The following ANKS6 variants were observed in gnomAD, a reference collection of about 807,000 sequenced individuals.
The protein encoded by ANKS6 is ankyrin repeat and sterile alpha motif domain containing 6.
ANKS6 carries 47 observed loss-of-function variants against 77.9 expected under a neutral mutation model. The observed-to-expected ratio is 0.60, with a 90% CI of 0.48 to 0.77. The LOEUF (loss-of-function observed/expected upper bound fraction) is 0.77, where lower values mean the gene tolerates loss of function less well. ANKS6 is among the 30% of genes least tolerant of loss of function. The pLI is 0.00. For synonymous variants in ANKS6, 488 were observed against 501.7 expected (o/e 0.97, Z 0.37); for missense variants, 1,150 against 1,159.1 (o/e 0.99, Z 0.11).
chr9:98,733,998 CA>C lies in ANKS6; in HGVS notation c.*2520del. 1.0e-6 allele frequency: 1 copy of C among 985,246 alleles called. No homozygotes were observed. The highest frequency in any genetic ancestry group is 1.2e-6 in the Non-Finnish European group (1 of 829,920). 61.0% of individuals were successfully genotyped at this position (985,246 alleles called of 1,614,324 possible). A position where few individuals can be genotyped will look rare whatever the true frequency, so the allele number is the denominator to read the frequency against. On this transcript the variant is annotated 3_prime_UTR_variant, in exon 15 of 15. Transcript: ENST00000353234. ...GGAAGGGAAGGGGGTGATCAAGGAC[CA>C]AAAATCAGAAAAACAAGCACCCAAC...
At chr9:98,748,782 T>G (rs1388067200) in intron 13 of ANKS6, among the ~76,000 whole-genome samples, 4 of 152,202 alleles carry the variant, frequency 2.6e-5, no homozygotes. Context: ...TTTTGGTATT[T>G]TTCAAATACA....
rs1379704158 is a variant in ANKS6, at chr9:98,732,643, C to T, written c.*3876G>A. The T allele has an allele frequency of 6.5e-7, 1 of 1,541,612 alleles. No individual in the cohort carries two copies. Among genetic ancestry groups the T allele is most frequent in the Non-Finnish European group, 8.7e-7 (1 of 1,143,820 alleles). On this transcript the variant is annotated 3_prime_UTR_variant, in exon 15 of 15. Transcript: ENST00000353234. The stretch of plus-strand genomic sequence containing the variant: ...CCATCTTTGAGGTTTCCCACATCTG[C>T]ACCGCTCCACAGTGTGAAAAGGGCT...
chr9:98,773,671 T>G (rs1363347200), intron 9 of ANKS6, among the ~76,000 whole-genome samples: 1 of 152,176 alleles, frequency 6.6e-6, no homozygotes, highest in African/African-American at 2.4e-5. Context: ...GGGACAGATG[T>G]TCCCTGCTAC....
Position 98,774,974 on chromosome 9 carries a change from G to A in ANKS6, c.1618-894C>T, listed in dbSNP as rs1005393601. On this transcript the variant is annotated intron_variant, in intron 8 of 14. Transcript: ENST00000353234. Reference sequence around the variant, plus strand: ...CCGGGCCACCCCACCCATTATGGGGGGGCAGGCACACTGGCGCCCTCTACA... The same window carrying A: ...CCGGGCCACCCCACCCATTATGGGGAGGCAGGCACACTGGCGCCCTCTACA... Among the ~76,000 whole-genome samples, 9 of 152,338 alleles carry A rather than the reference G, an allele frequency of 5.9e-5. No individual in the cohort carries two copies. The East Asian group carries it at 1.2e-3, about 20-fold the overall frequency.
At chr9:98,766,366 T>C (rs372947961) in intron 11 of ANKS6, among the ~76,000 whole-genome samples, 1 of 151,966 alleles carries the variant, frequency 6.6e-6, no homozygotes. Context: ...ATATAACACA[T>C]CCAATAAGAC....
At chr9:98,781,802 G>A (rs906131734) in intron 5 of ANKS6, among the ~76,000 whole-genome samples, 6 of 152,252 alleles carry the variant, frequency 3.9e-5, no homozygotes, top group African/African-American at 1.4e-4. Context: ...CCCAGCACAG[G>A]GTTCAAGCCC....
chr9:98,765,784 C>T (rs1462991484), intron 11 of ANKS6, among the ~76,000 whole-genome samples: 1 of 152,142 alleles, frequency 6.6e-6, no homozygotes, highest in Non-Finnish European at 1.5e-5. Flanking sequence ...CACGGCCCTG[C>T]TAGATGCCAT....
intron 11 of ANKS6, among the ~76,000 whole-genome samples, chr9:98,766,215 T>C (rs950702294): frequency 1.8e-4 from 27 of 152,276 alleles, no homozygotes; most frequent in Non-Finnish European, 3.4e-4. Context: ...CATCTTTTGA[T>C]ACAATCTCCT....
chr9:98,777,508 A>G, intron 7 of ANKS6, 54 bp from the exon 8 acceptor site: 1 of 1,567,538 alleles, frequency 6.4e-7, no homozygotes, highest in South Asian at 1.1e-5. Context: ...TCCACAGCAT[A>G]AGGATGAGTG....
intron 1 of ANKS6, among the ~76,000 whole-genome samples, chr9:98,795,558 A>G (rs887206627): frequency 6.6e-6 from 1 of 152,144 alleles, no homozygotes; most frequent in Non-Finnish European, 1.5e-5. Flanking sequence ...AAGCCTTTGC[A>G]TGGGCCTCCC....
chr9:98,743,817 G>A (rs548057384), intron 14 of ANKS6, among the ~76,000 whole-genome samples: 42 of 152,346 alleles, frequency 2.8e-4, no homozygotes, highest in Non-Finnish European at 6.0e-4. Context: ...GTCAATACCC[G>A]CATGGTGCCT....
At position 98,735,968 on chromosome 9, in the gene ANKS6, G is replaced by A; in HGVS notation, c.*551C>T. The A allele has an allele frequency of 8.1e-7, 1 of 1,227,240 alleles. No homozygotes were observed. The allele number at this position is 1,227,240 out of a possible 1,614,324, so 76.0% of individuals were successfully genotyped here. ...AGTTAGAAGTTTTAAGGGAAGATGT[G>A]CCAGGAAGGCTAACCTCTCACCATA... On this transcript the variant is annotated 3_prime_UTR_variant, in exon 15 of 15. Transcript: ENST00000353234.
Position 98,751,048 on chromosome 9 carries a change from G to T in ANKS6, c.2375C>A (p.Pro792His). ...LKKLSLEKYQ[P>H]IFEEQEVDME... The stretch of plus-strand genomic sequence containing the variant: ...TCTTACCTCTTGTTCCTCAAAAATG[G>T]GCTGATATTTCTCAAGTGATAATTT... The change falls in exon 13 of 15, where the codon CCC (proline) becomes CAC (histidine). Residue 792 changes from proline (P) to histidine (H), a missense_variant. Coordinates refer to ENST00000353234, the MANE Select transcript of ANKS6 (RefSeq NM_173551.5). 6.2e-7 allele frequency: 1 copy of T among 1,609,962 alleles called. No homozygotes were observed. The highest frequency in any genetic ancestry group is 2.2e-5 in the East Asian group (1 of 44,820).
Position 98,796,532 on chromosome 9 carries a change from GC to G in ANKS6, c.-42del. On this transcript the variant is annotated 5_prime_UTR_variant, in exon 1 of 15. Coordinates refer to ENST00000353234, the MANE Select transcript of ANKS6 (RefSeq NM_173551.5). ...CGGCCCGCTCCCGTCCGCCCCGCCG[GC>G]CGCGTCGGCTCCGCCCCCGGATACC... 5 of 974,178 alleles carry G rather than the reference GC, an allele frequency of 5.1e-6. No homozygotes were observed. In the South Asian group the frequency reaches 2.3e-4, roughly 45 times the overall value. 60.3% of individuals were successfully genotyped at this position (974,178 alleles called of 1,614,324 possible). A position where few individuals can be genotyped will look rare whatever the true frequency, so the allele number is the denominator to read the frequency against.
intron 14 of ANKS6, among the ~76,000 whole-genome samples, chr9:98,740,208 C>T (rs2131923314): frequency 6.6e-6 from 1 of 152,258 alleles, no homozygotes; most frequent in East Asian, 1.9e-4. Flanking sequence ...CCTCTCCAGA[C>T]CCCCACACAG....
At chr9:98,742,483 A>T (rs140263103) in intron 14 of ANKS6, among the ~76,000 whole-genome samples, 13 of 152,342 alleles carry the variant, frequency 8.5e-5, no homozygotes, top group African/African-American at 3.1e-4. Flanking sequence ...TCTCCTAAAC[A>T]TGCCTTTTCT....
chr9:98,790,077 G>A, intron 2 of ANKS6, 27 bp downstream of exon 2: 1 of 1,528,108 alleles, frequency 6.5e-7, no homozygotes, highest in African/African-American at 1.4e-5. Context: ...GGTCCTCTGT[G>A]AAGCCACGGG....
intron 9 of ANKS6, among the ~76,000 whole-genome samples, chr9:98,773,432 C>T (rs757775255): frequency 1.3e-5 from 2 of 152,212 alleles, no homozygotes; most frequent in African/African-American, 2.4e-5. Flanking sequence ...GAAATCACTA[C>T]AGTCAAAAGG....
intron 14 of ANKS6, among the ~76,000 whole-genome samples, chr9:98,740,436 C>T (rs1174321697): frequency 1.3e-5 from 2 of 152,226 alleles, no homozygotes; most frequent in East Asian, 1.9e-4. Flanking sequence ...ATCGCAGGCC[C>T]GCCCCTTTTC....
Sources: allele counts gnomAD v4.1 joint callset (sites outside exome capture counted in the v4.1 genomes callset), GRCh38; gene constraint gnomAD v4.1.1; transcripts MANE v1.5; gene names NCBI Gene and HGNC (gene_info 2026-07-23, HGNC 2026-07-21).